The following SRRM2 variants were observed in gnomAD, a reference collection of about 807,000 sequenced individuals.
The protein encoded by SRRM2 is serine/arginine repetitive matrix 2.
Under a neutral mutation model 213.8 loss-of-function variants are expected in SRRM2, and 30 were observed. The ratio of observed to expected loss-of-function variants is 0.14; its 90% CI spans 0.10 to 0.19. The LOEUF (loss-of-function observed/expected upper bound fraction) is 0.19. SRRM2 is among the 10% of genes least tolerant of loss of function. The pLI, the probability that SRRM2 is intolerant of heterozygous loss-of-function variation, is 1.00. For synonymous variants in SRRM2, 2,025 were observed against 1,377.7 expected (o/e 1.47, Z -10.40); for missense variants, 4,904 against 3,647.0 (o/e 1.34, Z -8.88).
Position 2,771,361 on chromosome 16 carries a change from C to G in SRRM2, c.*494C>G. On this transcript the variant is annotated 3_prime_UTR_variant, in exon 15 of 15. Coordinates refer to ENST00000301740, the MANE Select transcript of SRRM2 (RefSeq NM_016333.4). ...TAAAGGCATTTTGGTTTTTTAAAAT[C>G]TGTACAGCAAGAGCAACTTTTTCTG... 1.3e-6 allele frequency: 2 copies of G among 1,589,760 alleles called. No homozygotes were observed. Among genetic ancestry groups the G allele is most frequent in the Non-Finnish European group, 1.7e-6 (2 of 1,159,274 alleles).
In SRRM2 at chr16:2,764,913, C is replaced by T. The variant is rs545387786; in HGVS notation, c.4385C>T (p.Ser1462Phe). The T allele has an allele frequency of 2.8e-4, 447 of 1,614,180 alleles. 10 individuals carry two copies. The South Asian group carries it at 4.5e-3, about 16-fold the overall frequency. Residue 1462 changes from serine to phenylalanine, a missense_variant, in exon 11 of 15, where the codon TCC becomes TTC. Coordinates refer to ENST00000301740, the MANE Select transcript of SRRM2 (RefSeq NM_016333.4). ...CCCTCGAGGCACAGCCTGTCTGGGT[C>T]CTCTCCTGGAATGAAAGATATACCT... is the stretch of plus-strand genomic sequence containing the variant. ...GTPSRHSLSG[S>F]SPGMKDIPRT...
rs767369845 is a variant in SRRM2, at chr16:2,771,039, T to C, written c.*172T>C. ...TTTTTTTTTCTTTGTTCCTGTGAAATGTTAATCTCCGTGAGTTCTTCCTGG... is the reference window on the plus strand; with the variant it reads ...TTTTTTTTTCTTTGTTCCTGTGAAACGTTAATCTCCGTGAGTTCTTCCTGG... On this transcript the variant is annotated 3_prime_UTR_variant, in exon 15 of 15. Transcript: ENST00000301740. 2 of 704,528 alleles carry C rather than the reference T, an allele frequency of 2.8e-6. No homozygotes were observed. Among genetic ancestry groups the C allele is most frequent in the East Asian group, 5.6e-5 (2 of 35,746 alleles). The allele number at this position is 704,528 out of a possible 1,614,324, so 43.6% of individuals were successfully genotyped here.
chr16:2,762,633 C>G lies in SRRM2; in HGVS notation c.2105C>G (p.Ser702Cys), dbSNP rs2068397271. The G allele has an allele frequency of 1.9e-6, 3 of 1,614,106 alleles. No individual in the cohort carries two copies. Among genetic ancestry groups the G allele is most frequent in the Non-Finnish European group, 2.5e-6 (3 of 1,180,020 alleles). Residue 702 changes from serine (S) to cysteine (C), a missense_variant, in exon 11 of 15, where the codon TCC (serine) becomes TGC (cysteine). Ser to Cys is a moderately radical substitution (Grantham distance 112). Transcript: ENST00000301740. Reference protein sequence around the residue: ...SRSRTPRRGRSRSRSLVRRGR... With the variant: ...SRSRTPRRGRCRSRSLVRRGR... ...TCTAGGACACCAAGACGAGGAAGAT[C>G]CCGCAGTAGAAGCTTAGTTAGACGT...
In SRRM2 at chr16:2,768,126, C is replaced by A; in HGVS notation, c.7598C>A (p.Ser2533Tyr). The A allele has an allele frequency of 6.2e-7, 1 of 1,613,868 alleles. No individual in the cohort carries two copies. The highest frequency in any genetic ancestry group is 8.5e-7 in the Non-Finnish European group (1 of 1,179,784). ...CAGCCAGCAAAGGAGCGGCGGAGTT[C>A]CTCCTCGTCGTCGTCGTCCTCTAGC... ...ALQPAKERRSSSSSSSSSSSS... is the reference protein window; with the variant it reads ...ALQPAKERRSYSSSSSSSSSS... Residue 2533 changes from serine (S) to tyrosine (Y), a missense_variant, in exon 11 of 15, where the codon TCC becomes TAC. By Grantham distance (144) the Ser-to-Tyr change is moderately radical (BLOSUM62 -2). Coordinates refer to ENST00000301740, the MANE Select transcript of SRRM2 (RefSeq NM_016333.4).
intron 11 of SRRM2, 113 bp from the exon 12 acceptor site, chr16:2,768,884 T>TC: frequency 6.4e-7 from 1 of 1,551,140 alleles, no homozygotes; most frequent in Non-Finnish European, 8.7e-7. Context: ...CTCGGAGAGC[T>TC]CCCAGCGCCT....
At position 2,765,554 on chromosome 16, in the gene SRRM2, C is replaced by T; in HGVS notation, c.5026C>T (p.Pro1676Ser). 1 of 1,614,230 alleles carries T rather than the reference C, an allele frequency of 6.2e-7. No individual in the cohort carries two copies. The highest frequency in any genetic ancestry group is 8.5e-7 in the Non-Finnish European group (1 of 1,180,036). ...TGCTCGCAGAGGTTCCAGGTCATCA[C>T]CAGAGCCCAAGACCAAGTCTCGTAC... ...RTARRGSRSSPEPKTKSRTPP... is the reference protein window; with the variant it reads ...RTARRGSRSSSEPKTKSRTPP... The change falls in exon 11 of 15, where the codon CCA becomes TCA. Residue 1676 changes from proline to serine, a missense_variant. Pro to Ser is a moderately conservative substitution (Grantham distance 74). Transcript: ENST00000301740.
At position 2,764,220 on chromosome 16, in the gene SRRM2, C is replaced by T. The variant is rs534027132; in HGVS notation, c.3692C>T (p.Thr1231Met). The stretch of plus-strand genomic sequence containing the variant: ...AAAGAGCAAAATAGTGCATTGCCTA[C>T]GTCAAGCCAAGATGAAGAGTTAATG... ...ETKEQNSALP[T>M]SSQDEELMEV... The change falls in exon 11 of 15, where the codon ACG becomes ATG. Residue 1231 changes from threonine (T) to methionine (M), a missense_variant. Transcript: ENST00000301740. 109 of 1,614,176 alleles carry T rather than the reference C, an allele frequency of 6.8e-5. 1 individual carries two copies. The South Asian group carries it at 9.6e-4, about 14-fold the overall frequency.
intron 1 of SRRM2, among the ~76,000 whole-genome samples, chr16:2,755,505 CAG>C (rs1190649192): frequency 2.0e-5 from 3 of 152,074 alleles, no homozygotes; most frequent in South Asian, 2.1e-4. Context: ...GAGTTGAAAA[CAG>C]GTAATATTTG....
In SRRM2 at chr16:2,766,285, C is replaced by T. The variant is rs774529446; in HGVS notation, c.5757C>T (p.Ser1919=). 4.3e-6 allele frequency: 7 copies of T among 1,614,058 alleles called. No homozygotes were observed. The East Asian group carries it at 1.6e-4, about 36-fold the overall frequency. ...RRSRSRASPV[S]RRRSRSRTPP... is the part of the protein sequence containing the mutation. ...CCCGGTCAAGAGCATCCCCAGTGAG[C>T]AGAAGGCGATCCAGATCCAGAACGC... Residue 1919 remains serine (S), a synonymous_variant, in exon 11 of 15, where the codon AGC becomes AGT. Transcript: ENST00000301740. The surrounding 1 kb of genome is among the most constrained non-coding windows in gnomAD (Gnocchi z 7.0).
In SRRM2 at chr16:2,771,097, G is replaced by GGGGGGA; in HGVS notation, c.*230_*231insGGGGGA. 5.9e-6 allele frequency: 2 copies of GGGGGGA among 336,636 alleles called. No homozygotes were observed. Among genetic ancestry groups the GGGGGGA allele is most frequent in the Non-Finnish European group, 5.7e-6 (1 of 174,698 alleles). The allele number at this position is 336,636 out of a possible 1,614,324, so 20.9% of individuals were successfully genotyped here. On this transcript the variant is annotated 3_prime_UTR_variant, in exon 15 of 15. Transcript: ENST00000301740. ...GTTCTGGGGGGTTTGGGGTGGGAGG[G>GGGGGGA]AATGCAGATGGGAGTTGGGGGAGGG...
rs1430767465 is a variant in SRRM2, at chr16:2,752,694, G to A, written c.-184G>A. ...GCGAGTGGCGCAGTTGGAGCCCGTT[G>A]CGGCCCCTGAGGAAGCGAGGAGGCG... On this transcript the variant is annotated 5_prime_UTR_variant, in exon 1 of 15. Coordinates refer to ENST00000301740, the MANE Select transcript of SRRM2 (RefSeq NM_016333.4). 6.1e-6 allele frequency: 2 copies of A among 325,478 alleles called. No homozygotes were observed. The highest frequency in any genetic ancestry group is 6.1e-6 in the Non-Finnish European group (1 of 164,448). The allele number at this position is 325,478 out of a possible 1,614,324, so 20.2% of individuals were successfully genotyped here.
intron 11 of SRRM2, chr16:2,768,575 C>G (rs1224470631): frequency 1.6e-6 from 1 of 637,786 alleles, no homozygotes; most frequent in Non-Finnish European, 2.9e-6. Context: ...AAGAGGAACT[C>G]CCTGGGCTGG....
In SRRM2 at chr16:2,756,469, C is replaced by A; in HGVS notation, c.105C>A (p.Asp35Glu). 1 of 1,613,750 alleles carries A rather than the reference C, an allele frequency of 6.2e-7. No homozygotes were observed. The highest frequency in any genetic ancestry group is 8.5e-7 in the Non-Finnish European group (1 of 1,179,870). The change falls in exon 2 of 15, where the codon GAC (aspartate) becomes GAA (glutamate). Residue 35 changes from aspartate to glutamate, a missense_variant. By Grantham distance (45) the Asp-to-Glu change is conservative. Coordinates refer to ENST00000301740, the MANE Select transcript of SRRM2 (RefSeq NM_016333.4). ...LVRGRRGERP[D>E]YKGEEELRRL... ...GGGGCCGCCGGGGTGAGCGGCCTGA[C>A]TACAAGGGAGAGGAGGAACTGCGGC...
rs751528262 is a variant in SRRM2, at chr16:2,768,486, A to G, written c.7733+225A>G. 6 of 683,412 alleles carry G rather than the reference A, an allele frequency of 8.8e-6. No individual in the cohort carries two copies. The South Asian group carries it at 9.4e-5, about 11-fold the overall frequency. 42.3% of individuals were successfully genotyped at this position (683,412 alleles called of 1,614,324 possible). A position where few individuals can be genotyped will look rare whatever the true frequency, so the allele number is the denominator to read the frequency against. On this transcript the variant is annotated intron_variant, in intron 11 of 14. Coordinates refer to ENST00000301740, the MANE Select transcript of SRRM2 (RefSeq NM_016333.4). ...GGTTCATTCTCTAGAGGATAATGAT[A>G]AGTTTTCCGTCTCTACAGAGGACAG...
Position 2,762,002 on chromosome 16 carries a change from A to G in SRRM2, c.1474A>G (p.Arg492Gly), listed in dbSNP as rs2068368658. Residue 492 changes from arginine (R) to glycine (G), a missense_variant, in exon 11 of 15, where the codon AGA becomes GGA. Transcript: ENST00000301740. ...GTCCCGTAGCCCTGCCACCGCTAAG[A>G]GAGGGCGATCTCGGTCTCGAACCCC... is the stretch of plus-strand genomic sequence containing the variant. ...GRSRSPATAK[R>G]GRSRSRTPTK... is the part of the protein sequence containing the mutation. 8 of 1,614,058 alleles carry G rather than the reference A, an allele frequency of 5.0e-6. No homozygotes were observed. The highest frequency in any genetic ancestry group is 5.9e-6 in the Non-Finnish European group (7 of 1,180,032).
chr16:2,766,761 G>C lies in SRRM2; in HGVS notation c.6233G>C (p.Arg2078Pro), dbSNP rs771816164. Residue 2078 changes from arginine (R) to proline (P), a missense_variant, in exon 11 of 15, where the codon CGT becomes CCT. Transcript: ENST00000301740. The surrounding 1 kb of genome is among the most constrained non-coding windows in gnomAD (Gnocchi z 7.0). Reference protein sequence around the residue: ...LTRSPPAIRRRSASGSSSDRS... With the variant: ...LTRSPPAIRRPSASGSSSDRS... The stretch of plus-strand genomic sequence containing the variant: ...AGATCTCCTCCAGCCATCCGCAGGC[G>C]TTCTGCATCTGGAAGTAGTTCTGAT... 8 of 1,614,006 alleles carry C rather than the reference G, an allele frequency of 5.0e-6. No individual in the cohort carries two copies. Among genetic ancestry groups the C allele is most frequent in the Non-Finnish European group, 6.8e-6 (8 of 1,180,052 alleles).
At chr16:2,761,537 C>T (rs1350624026) in intron 10 of SRRM2, 24 bp from the exon 11 acceptor site, 4 of 1,478,412 alleles carry the variant, frequency 2.7e-6, no homozygotes, top group Non-Finnish European at 2.7e-6. Flanking sequence ...GAATCCCTAT[C>T]CCTGCTCTCT....
At position 2,759,669 on chromosome 16, in the gene SRRM2, G is replaced by T. The variant is rs1485411441; in HGVS notation, c.833+8G>T. The T allele has an allele frequency of 6.2e-7, 1 of 1,612,224 alleles. No individual in the cohort carries two copies. The highest frequency in any genetic ancestry group is 1.7e-5 in the Admixed American group (1 of 60,014). On this transcript the variant is annotated splice_region_variant and intron_variant, in intron 9 of 14. Transcript: ENST00000301740. ...CGATACTTCCCGCAGTCGGTAAGGGGTAGTCCAGGAGGAAGGGAGGGAGAG... is the reference window on the plus strand; with the variant it reads ...CGATACTTCCCGCAGTCGGTAAGGGTTAGTCCAGGAGGAAGGGAGGGAGAG...
In SRRM2 at chr16:2,765,530, G is replaced by A. The variant is rs762739382; in HGVS notation, c.5002G>A (p.Ala1668Thr). The A allele has an allele frequency of 6.4e-5, 103 of 1,614,058 alleles. No homozygotes were observed. The highest frequency in any genetic ancestry group is 8.6e-5 in the Non-Finnish European group (102 of 1,180,042). Residue 1668 changes from alanine to threonine, a missense_variant, in exon 11 of 15, where the codon GCT (alanine) becomes ACT (threonine). Coordinates refer to ENST00000301740, the MANE Select transcript of SRRM2 (RefSeq NM_016333.4). ...SPEHPPKSRT[A>T]RRGSRSSPEP... ...TGAACATCCGCCCAAATCCAGAACT[G>A]CTCGCAGAGGTTCCAGGTCATCACC...
Sources: gnomAD v4.1 joint callset for allele counts (sites outside exome capture counted in the v4.1 genomes callset) on GRCh38, gnomAD v4.1.1 for gene constraint, Gnocchi (gnomAD v3.1) non-coding constraint, MANE v1.5 for transcripts, NCBI Gene and HGNC (gene_info 2026-07-23, HGNC 2026-07-21) for gene names.